NAV1: variants seen among roughly 807,000 people sequenced by gnomAD.
The protein encoded by NAV1 is neuron navigator 1, also known as pore membrane and/or filament interacting like protein 3.
NAV1 carries 18 observed loss-of-function variants against 175.2 expected under a neutral mutation model. That is an observed-to-expected ratio of 0.10 (90% confidence interval 0.07 to 0.15). The LOEUF (loss-of-function observed/expected upper bound fraction) is 0.15, where lower values mean the gene tolerates loss of function less well. NAV1 is among the 10% of genes least tolerant of loss of function. The pLI, the probability that NAV1 is intolerant of heterozygous loss-of-function variation, is 1.00. For missense variants in NAV1, 1,731 were observed against 2,436.6 expected, an observed-to-expected ratio of 0.71 and a Z score of 6.10; for synonymous variants, 897 against 978.7, an observed-to-expected ratio of 0.92 and a Z score of 1.56.
chr1:201,755,169 T>C (rs1221962298), intron 3 of NAV1, among the ~76,000 whole-genome samples: 3 of 152,242 alleles, frequency 2.0e-5, no homozygotes, highest in Non-Finnish European at 4.4e-5. Flanking sequence ...CAACAAATAC[T>C]CTCTTATCTC....
chr1:201,553,569 G>A (rs1304981705), intron 1 of NAV1, among the ~76,000 whole-genome samples: 2 of 152,176 alleles, frequency 1.3e-5, no homozygotes, highest in African/African-American at 4.8e-5. Flanking sequence ...CACACAGATC[G>A]ATGTGTTTTT....
rs1037298450 is a variant in NAV1 at position 201,665,632 on chromosome 1, C to T, written c.757+16207C>T. Among the ~76,000 whole-genome samples the T allele has an allele frequency of 4.6e-5, 7 of 151,450 alleles. 1 individual carries two copies. The highest frequency in any genetic ancestry group is 4.6e-4 in the Admixed American group (7 of 15,214). Reference sequence around the variant, plus strand: ...CCACCTCCTGAGGTCAGCTGGATCACCTTCACTCCTCCCTTGGCTGAAAGA... The same window carrying T: ...CCACCTCCTGAGGTCAGCTGGATCATCTTCACTCCTCCCTTGGCTGAAAGA... On this transcript the variant is annotated intron_variant, in intron 1 of 29. Transcript: ENST00000367296.
chr1:201,551,572 A>G (rs1192394099), intron 1 of NAV1, among the ~76,000 whole-genome samples: 1 of 152,152 alleles, frequency 6.6e-6, no homozygotes, highest in Non-Finnish European at 1.5e-5. Context: ...CACAGACATC[A>G]TGTCTGTTAT....
At chr1:201,556,763 C>T (rs1422683346) in intron 1 of NAV1, among the ~76,000 whole-genome samples, 1 of 152,226 alleles carries the variant, frequency 6.6e-6, no homozygotes, top group East Asian at 1.9e-4. Context: ...CCTTGGGGCC[C>T]TCTCTGGAGA....
intron 7 of NAV1, among the ~76,000 whole-genome samples, chr1:201,784,211 G>A (rs1262993623): frequency 6.6e-6 from 1 of 152,196 alleles, no homozygotes; most frequent in Non-Finnish European, 1.5e-5. Flanking sequence ...AGGCTGGAGT[G>A]CAGTGGTGCA....
At chr1:201,655,219 C>T (rs1282058186) in intron 1 of NAV1, among the ~76,000 whole-genome samples, 1 of 152,186 alleles carries the variant, frequency 6.6e-6, no homozygotes, top group African/African-American at 2.4e-5. Context: ...CAGCACCTGG[C>T]TGGTCTTTCT....
At chr1:201,709,091 A>G (rs1671787780) in intron 1 of NAV1, among the ~76,000 whole-genome samples, 1 of 149,794 alleles carries the variant, frequency 6.7e-6, no homozygotes, top group African/African-American at 2.5e-5. Flanking sequence ...TTGAGCCTGC[A>G]GTGAGGCGTG....
At chr1:201,572,462 C>T (rs58753953) in intron 1 of NAV1, among the ~76,000 whole-genome samples, 3 of 150,876 alleles carry the variant, frequency 2.0e-5, no homozygotes, top group South Asian at 4.2e-4. Flanking sequence ...TCCACCTCCC[C>T]GGTTCAAGCA....
In NAV1 at chr1:201,810,122, T is replaced by C; in HGVS notation, c.4561+17T>C. The stretch of plus-strand genomic sequence containing the variant: ...CCCTCAAAGGTCAGTCTTTGTCTCT[T>C]GGGGTGAGGTGGTGTGGCATGAAGG... On this transcript the variant is annotated intron_variant, in intron 23 of 29. Coordinates refer to ENST00000367296, the Ensembl canonical transcript of NAV1. This position sits in a 1 kb window ranked among gnomAD's most constrained non-coding sequence, Gnocchi z 6.0. 6.2e-7 allele frequency: 1 copy of C among 1,611,774 alleles called. No homozygotes were observed. Among genetic ancestry groups the C allele is most frequent in the East Asian group, 2.2e-5 (1 of 44,770 alleles).
At chr1:201,607,117 T>TA (rs1397277053) in intron 2 of NAV1, among the ~76,000 whole-genome samples, 3 of 132,254 alleles carry the variant, frequency 2.3e-5, no homozygotes, top group Non-Finnish European at 5.0e-5. Context: ...ATTTTTTTCT[T>TA]TTTTTTTTTT....
chr1:201,737,840 C>T (rs1301004792), intron 3 of NAV1, among the ~76,000 whole-genome samples: 2 of 152,188 alleles, frequency 1.3e-5, no homozygotes, highest in Admixed American at 1.3e-4. Context: ...GAGACAAAGT[C>T]ATTTTACTCA....
At chr1:201,763,270 T>C (rs1344615872) in intron 3 of NAV1, among the ~76,000 whole-genome samples, 2 of 152,202 alleles carry the variant, frequency 1.3e-5, no homozygotes, top group African/African-American at 4.8e-5. Flanking sequence ...CTAACTCAAC[T>C]GTAGTAATAG....
intron 1 of NAV1, among the ~76,000 whole-genome samples, chr1:201,655,707 C>T (rs1669377755): frequency 1.3e-5 from 2 of 152,168 alleles, no homozygotes; most frequent in Non-Finnish European, 1.5e-5. Flanking sequence ...TTTTGATCTC[C>T]CATCTGGAGG....
chr1:201,581,638 G>A (rs1666864318), intron 1 of NAV1, among the ~76,000 whole-genome samples: 1 of 151,990 alleles, frequency 6.6e-6, no homozygotes, highest in South Asian at 2.1e-4. Context: ...AGACCAGCCT[G>A]GTCAACATGG....
At chr1:201,713,010 C>T in intron 2 of NAV1, 91 bp downstream of exon 6, 1 of 897,212 alleles carries the variant, frequency 1.1e-6, no homozygotes, top group Admixed American at 1.9e-5. Context: ...CCCTCCACAC[C>T]TCTGCCAGGT....
At chr1:201,700,417 C>T (rs1290993707) in intron 1 of NAV1, among the ~76,000 whole-genome samples, 2 of 152,086 alleles carry the variant, frequency 1.3e-5, no homozygotes, top group Admixed American at 6.5e-5. Context: ...GAATGGCGAT[C>T]ATTAAAAAGT....
At chr1:201,793,726 A>G (rs1045980330) in intron 13 of NAV1, 66 bp from the exon 18 acceptor site, 71 of 1,377,904 alleles carry the variant, frequency 5.2e-5, no homozygotes, top group Non-Finnish European at 6.8e-5. Context: ...ACTATTTCCC[A>G]TTGTCAGTTA....
intron 3 of NAV1, among the ~76,000 whole-genome samples, chr1:201,722,459 A>ACT (rs1480860221): frequency 6.6e-6 from 1 of 151,312 alleles, no homozygotes; most frequent in Non-Finnish European, 1.5e-5. Context: ...TTCAGGTTGA[A>ACT]CTCTATTCTG....
chr1:201,570,845 C>T (rs1157847389), intron 1 of NAV1, among the ~76,000 whole-genome samples: 1 of 152,252 alleles, frequency 6.6e-6, no homozygotes, highest in Admixed American at 6.5e-5. Context: ...ATCTCTGGAA[C>T]CTCAGGCCTG....
Sources: gnomAD v4.1 joint callset for allele counts (sites outside exome capture counted in the v4.1 genomes callset) on GRCh38, gnomAD v4.1.1 for gene constraint, Gnocchi (gnomAD v3.1) non-coding constraint, MANE v1.5 for transcripts, NCBI Gene and HGNC (gene_info 2026-07-23, HGNC 2026-07-21) for gene names.